The following NT5E variants were observed in gnomAD, a reference collection of about 807,000 sequenced individuals.
NT5E encodes 5'-nucleotidase ecto.
NT5E carries 53 observed loss-of-function variants against 55.1 expected under a neutral mutation model. That is an observed-to-expected ratio of 0.96 (90% confidence interval 0.77 to 1.21). The LOEUF is 1.21. NT5E is among the 50% of genes most tolerant of loss of function. The pLI is 0.00. For missense variants in NT5E, 683 were observed against 724.3 expected (o/e 0.94, Z 0.65); for synonymous variants, 270 against 278.4 (o/e 0.97, Z 0.30).
chr6:85,472,391 T>C (rs1265948175), intron 3 of NT5E, among the ~76,000 whole-genome samples: 2 of 152,258 alleles, frequency 1.3e-5, no homozygotes, highest in Non-Finnish European at 1.5e-5. Flanking sequence ...GTAATTTTTA[T>C]TTTCTTTCTA....
intron 1 of NT5E, among the ~76,000 whole-genome samples, chr6:85,457,284 C>T (rs949842305): frequency 5.9e-5 from 9 of 152,288 alleles, no homozygotes; most frequent in East Asian, 3.9e-4. Flanking sequence ...TTGGATGGGA[C>T]GTCAGAACAC....
chr6:85,464,673 T>C (rs1769156593), intron 1 of NT5E, among the ~76,000 whole-genome samples: 1 of 152,208 alleles, frequency 6.6e-6, no homozygotes, highest in Non-Finnish European at 1.5e-5. Context: ...GAGAAAAGTT[T>C]TTCTGGCAGC....
chr6:85,461,745 A>G (rs1249901929), intron 1 of NT5E, among the ~76,000 whole-genome samples: 1 of 152,130 alleles, frequency 6.6e-6, no homozygotes, highest in Admixed American at 6.5e-5. Context: ...AAACCAGGCA[A>G]AGTGAGTTAA....
intron 1 of NT5E, among the ~76,000 whole-genome samples, chr6:85,456,362 A>C (rs1312217935): frequency 6.6e-6 from 1 of 152,160 alleles, no homozygotes; most frequent in East Asian, 1.9e-4. Flanking sequence ...TATCAATCCC[A>C]AGGATAGGGT....
At chr6:85,467,931 C>T (rs1047734121) in intron 2 of NT5E, among the ~76,000 whole-genome samples, 1 of 151,804 alleles carries the variant, frequency 6.6e-6, no homozygotes, top group African/African-American at 2.4e-5. Context: ...ATAAGACACA[C>T]ACACATATAT....
intron 3 of NT5E, among the ~76,000 whole-genome samples, chr6:85,477,064 T>G (rs1276894728): frequency 6.6e-6 from 1 of 152,122 alleles, no homozygotes; most frequent in Non-Finnish European, 1.5e-5. Flanking sequence ...ACTCTCCAAC[T>G]CTCTTATCAC....
At chr6:85,480,644 C>G (rs986335278) in intron 3 of NT5E, among the ~76,000 whole-genome samples, 1 of 152,186 alleles carries the variant, frequency 6.6e-6, no homozygotes, top group African/African-American at 2.4e-5. Context: ...CGGAGGGGCT[C>G]TGGTGGCAGG....
At chr6:85,485,500 C>A in intron 4 of NT5E, 68 bp downstream of exon 4, 1 of 1,453,338 alleles carries the variant, frequency 6.9e-7, no homozygotes, top group South Asian at 1.1e-5. Context: ...TGCTCCTTCC[C>A]ATTTTTTTCC....
In NT5E at chr6:85,471,332, C is replaced by T. The variant is rs1769302223; in HGVS notation, c.658C>T (p.His220Tyr). 1 of 1,613,114 alleles carries T rather than the reference C, an allele frequency of 6.2e-7. No homozygotes were observed. The highest frequency in any genetic ancestry group is 1.3e-5 in the African/African-American group (1 of 74,986). ...TGTGAACAAAATTATTGCACTGGGACATTCGGGTTTTGAAATGGATAAACT... is the reference window on the plus strand; with the variant it reads ...TGTGAACAAAATTATTGCACTGGGATATTCGGGTTTTGAAATGGATAAACT... ...LNVNKIIALG[H>Y]SGFEMDKLIA... The change falls in exon 3 of 9, where the codon CAT (histidine) becomes TAT (tyrosine). Residue 220 changes from histidine to tyrosine, a missense_variant. Coordinates refer to ENST00000257770, the MANE Select transcript of NT5E (RefSeq NM_002526.4).
chr6:85,471,158 C>A (rs763997223), intron 2 of NT5E, 79 bp from the exon 3 acceptor site: 162 of 991,296 alleles, frequency 1.6e-4, no homozygotes, highest in Admixed American at 4.5e-4. Context: ...GGTGTTTAAC[C>A]TTTGCATGTT....
chr6:85,460,621 C>A (rs1769077053), intron 1 of NT5E, among the ~76,000 whole-genome samples: 1 of 152,148 alleles, frequency 6.6e-6, no homozygotes, highest in Admixed American at 6.5e-5. Flanking sequence ...CCACACTGTC[C>A]TGAGGCCATG....
chr6:85,452,591 G>A (rs1197510495), intron 1 of NT5E, among the ~76,000 whole-genome samples: 3 of 152,056 alleles, frequency 2.0e-5, no homozygotes, highest in African/African-American at 4.8e-5. Flanking sequence ...GATTGGGAGC[G>A]GATCACATGG....
At chr6:85,460,409 A>T (rs1457386824) in intron 1 of NT5E, among the ~76,000 whole-genome samples, 2 of 152,244 alleles carry the variant, frequency 1.3e-5, no homozygotes, top group African/African-American at 2.4e-5. Flanking sequence ...GTACTAATAT[A>T]ATAATAAGCA....
chr6:85,481,416 G>C (rs1197456454), intron 3 of NT5E, among the ~76,000 whole-genome samples: 1 of 152,184 alleles, frequency 6.6e-6, no homozygotes, highest in Non-Finnish European at 1.5e-5. Context: ...AGATCAGAAA[G>C]ATGTCCAGGA....
chr6:85,485,164 AGCCCGCTG>A (rs1273203400), intron 3 of NT5E, 63 bp from the exon 4 acceptor site: 344 of 1,445,948 alleles, frequency 2.4e-4, no homozygotes, highest in Non-Finnish European at 3.2e-4. Flanking sequence ...TCCAGCCAGT[AGCCCGCTG>A]GCCTACAGCC....
chr6:85,484,342 A>G (rs965271878), intron 3 of NT5E, among the ~76,000 whole-genome samples: 2 of 152,178 alleles, frequency 1.3e-5, no homozygotes, highest in Non-Finnish European at 2.9e-5. Context: ...CAGTTAAGGA[A>G]CTTAAATGTG....
intron 3 of NT5E, among the ~76,000 whole-genome samples, chr6:85,473,766 T>C (rs187548232): frequency 6.6e-5 from 10 of 152,352 alleles, no homozygotes; most frequent in Admixed American, 6.5e-4. Context: ...TCTTGTACTG[T>C]AGTTAATCCA....
chr6:85,471,116 G>A, intron 2 of NT5E, 121 bp from the exon 3 acceptor site: 2 of 607,472 alleles, frequency 3.3e-6, no homozygotes, highest in Non-Finnish European at 5.3e-6. Flanking sequence ...ATATGTTTTG[G>A]TTTTACTGAC....
chr6:85,462,292 T>A (rs1345435073), intron 1 of NT5E, among the ~76,000 whole-genome samples: 1 of 152,122 alleles, frequency 6.6e-6, no homozygotes, highest in African/African-American at 2.4e-5. Flanking sequence ...TACTTTCTCT[T>A]CAAGGCTTCC....
Sources: gnomAD v4.1 joint callset for allele counts (sites outside exome capture counted in the v4.1 genomes callset) on GRCh38, gnomAD v4.1.1 for gene constraint, MANE v1.5 for transcripts, NCBI Gene and HGNC (gene_info 2026-07-23, HGNC 2026-07-21) for gene names.